PCDHGB5: variants seen among roughly 807,000 people sequenced by gnomAD.
PCDHGB5 encodes protocadherin gamma-B5.
In PCDHGB5, 48 loss-of-function variants were observed where a neutral mutation model predicts 62.9. That is an observed-to-expected ratio of 0.76 (90% CI 0.61 to 0.97). The LOEUF (loss-of-function observed/expected upper bound fraction) is 0.97, where lower values mean the gene tolerates loss of function less well. Ranked by LOEUF, PCDHGB5 falls within the 50% of genes least tolerant of loss-of-function variation. PCDHGB5 has a pLI of 0.00. For synonymous variants in PCDHGB5, 474 were observed against 511.2 expected, an observed-to-expected ratio of 0.93 and a Z score of 0.98; for missense variants, 1,118 against 1,198.6, an observed-to-expected ratio of 0.93 and a Z score of 0.99.
chr5:141,499,122 A>G (rs971741957), intron 2 of PCDHGB5, among the ~76,000 whole-genome samples: 3 of 152,140 alleles, frequency 2.0e-5, no homozygotes, highest in African/African-American at 7.2e-5. Context: ...ATCCCTTCTC[A>G]GGTCATCCTT....
At chr5:141,460,961 A>ATATGTGTG (rs1463306338) in intron 1 of PCDHGB5, among the ~76,000 whole-genome samples, 3 of 144,556 alleles carry the variant, frequency 2.1e-5, no homozygotes, top group African/African-American at 7.8e-5. Context: ...GTATATATAT[A>ATATGTGTG]TGTGTGTGTG....
At chr5:141,455,160 G>T (rs6875366) in intron 1 of PCDHGB5, among the ~76,000 whole-genome samples, 16,301 of 149,190 alleles carry the variant, frequency 0.11, 1,328 homozygotes, top group African/African-American at 0.23. Context: ...TAGTTTGTTG[G>T]TTTTTTTTTT....
chr5:141,419,108 G>C (rs1449189374), intron 1 of PCDHGB5: 2 of 1,613,792 alleles, frequency 1.2e-6, no homozygotes, highest in African/African-American at 1.3e-5. Flanking sequence ...GCAGACCCCA[G>C]AGTACAACGT....
chr5:141,467,912 G>A (rs879405529), intron 1 of PCDHGB5, among the ~76,000 whole-genome samples: 1 of 152,086 alleles, frequency 6.6e-6, no homozygotes, highest in Admixed American at 6.6e-5. Context: ...GCCCACCTCA[G>A]CCTCCCAAAA....
In PCDHGB5 at chr5:141,435,253, G is replaced by A. The variant is rs2097754974; in HGVS notation, c.2397+34729G>A. Among the ~76,000 whole-genome samples the A allele has an allele frequency of 1.3e-5, 2 of 152,064 alleles. 1 individual carries two copies. The highest frequency in any genetic ancestry group is 3.9e-4 in the East Asian group (2 of 5,184). On this transcript the variant is annotated intron_variant, in intron 1 of 3. Transcript: ENST00000617380. ...TTCAGTAATTCTTTCTGGCCATTAG[G>A]GATATGTCCATTTATACTTTCTCAG...
In PCDHGB5 at chr5:141,398,367, G is replaced by C. The variant is rs1480641333; in HGVS notation, c.240G>C (p.Glu80Asp). 7.0e-7 allele frequency: 1 copy of C among 1,430,476 alleles called. No individual in the cohort carries two copies. The highest frequency in any genetic ancestry group is 9.7e-7 in the Non-Finnish European group (1 of 1,031,114). 88.6% of individuals were successfully genotyped at this position (1,430,476 alleles called of 1,614,324 possible). A position where few individuals can be genotyped will look rare whatever the true frequency, so the allele number is the denominator to read the frequency against. The stretch of plus-strand genomic sequence containing the variant: ...AGCCTTACTTCACCGTGAGCGCAGA[G>C]AGCGGGGAGTTGCTTGTGAGCAGCA... ...SEKPYFTVSA[E>D]SGELLVSSRL... The change falls in exon 1 of 4, where the codon GAG becomes GAC. Residue 80 changes from glutamate (E) to aspartate (D), a missense_variant. Around this residue, in one of 2 missense-constraint regions of PCDHGB5, gnomAD observed 84 missense variants for 169.5 expected, o/e 0.50. Coordinates refer to ENST00000617380, the MANE Select transcript of PCDHGB5 (RefSeq NM_018925.3).
chr5:141,472,980 C>CAAAAAAAAAAAAAAAAAAAAAAAAAAAA (rs60579131), intron 1 of PCDHGB5, among the ~76,000 whole-genome samples: 1 of 86,106 alleles, frequency 1.2e-5, no homozygotes, highest in Non-Finnish European at 2.5e-5. Flanking sequence ...GAGTGAAACT[C>CAAAAAAAAAAAAAAAAAAAAAAAAAAAA]AAAAAAAAAA....
chr5:141,403,945 A>G (rs745421734), intron 1 of PCDHGB5: 48 of 1,613,810 alleles, frequency 3.0e-5, no homozygotes, highest in Non-Finnish European at 3.9e-5. Context: ...AAGGGTGGAC[A>G]AAAGTGCTCA....
intron 1 of PCDHGB5, chr5:141,421,236 TCGGCTACAG>T (rs761399164): frequency 3.8e-5 from 60 of 1,594,916 alleles, no homozygotes; most frequent in Non-Finnish European, 5.1e-5. Flanking sequence ...CCATGGCGAA[TCGGCTACAG>T]CGCGGGGACC....
intron 1 of PCDHGB5, chr5:141,422,266 G>A (rs1393466157): frequency 6.4e-7 from 1 of 1,563,654 alleles, no homozygotes; most frequent in Non-Finnish European, 8.6e-7. Context: ...TAACGCTCCA[G>A]AAATAACTAT....
intron 1 of PCDHGB5, chr5:141,402,883 G>A (rs1418475947): frequency 6.7e-7 from 1 of 1,483,116 alleles, no homozygotes; most frequent in South Asian, 1.4e-5. Flanking sequence ...ACTTTGCAGG[G>A]TGGAAGAAAG....
rs73280340 is a variant in PCDHGB5, at chr5:141,473,067, G to A, written c.2398-21740G>A. On this transcript the variant is annotated intron_variant, in intron 1 of 3. Transcript: ENST00000617380. ...GAAAGAAGTGATACAACAAGTTACA[G>A]CATCTTTGTTTATTATCCACTGTGA... Among the ~76,000 whole-genome samples the A allele has an allele frequency of 5.6e-3, 854 of 152,054 alleles. 5 individuals are homozygous for A. The highest frequency in any genetic ancestry group is 0.019 in the African/African-American group (798 of 41,456).
At position 141,511,216 on chromosome 5, in the gene PCDHGB5, C is replaced by G. The variant is rs374915167; in HGVS notation, c.*43C>G. Reference sequence around the variant, plus strand: ...GAGCCACAGGGCGGCCTCTCCCCAACCAGCCCAGCTTCTCCTTACCTGCAC... The same window carrying G: ...GAGCCACAGGGCGGCCTCTCCCCAAGCAGCCCAGCTTCTCCTTACCTGCAC... On this transcript the variant is annotated 3_prime_UTR_variant, in exon 4 of 4. Coordinates refer to ENST00000617380, the MANE Select transcript of PCDHGB5 (RefSeq NM_018925.3). 4.2e-5 allele frequency: 68 copies of G among 1,608,004 alleles called. No individual in the cohort carries two copies. The highest frequency in any genetic ancestry group is 6.7e-5 in the East Asian group (3 of 44,538).
At chr5:141,502,887 G>T (rs2099816882) in intron 2 of PCDHGB5, among the ~76,000 whole-genome samples, 1 of 40,910 alleles carries the variant, frequency 2.4e-5, no homozygotes, top group Non-Finnish European at 4.5e-5. Context: ...TTTTGACAGG[G>T]AGTCTAGCTC....
At chr5:141,470,628 G>T (rs1475199767) in intron 1 of PCDHGB5, among the ~76,000 whole-genome samples, 12 of 152,146 alleles carry the variant, frequency 7.9e-5, no homozygotes, top group Admixed American at 7.9e-4. Flanking sequence ...GCTTAGATAG[G>T]CCCCCTTGCT....
At position 141,400,235 on chromosome 5, in the gene PCDHGB5, T is replaced by TGATTCTGGCCGTTGCC; in HGVS notation, c.2109_2124dup (p.Leu709AspfsTer58). The TGATTCTGGCCGTTGCC allele has an allele frequency of 6.2e-7, 1 of 1,614,006 alleles. No individual in the cohort carries two copies. Among genetic ancestry groups the TGATTCTGGCCGTTGCC allele is most frequent in the East Asian group, 2.2e-5 (1 of 44,868 alleles). ...ATCTCAGTGCTCTTCCTCCTGGCCG[T>TGATTCTGGCCGTTGCC]GATTCTGGCCGTTGCCTTGCGCCTG... is the stretch of plus-strand genomic sequence containing the variant. On this transcript the variant is annotated frameshift_variant, in exon 1 of 4. Transcript: ENST00000617380. LOFTEE classifies it high-confidence loss of function.
intron 1 of PCDHGB5, among the ~76,000 whole-genome samples, chr5:141,454,261 A>T (rs183133499): frequency 1.3e-5 from 2 of 152,364 alleles, no homozygotes; most frequent in South Asian, 2.1e-4. Flanking sequence ...CAGAGAAAGT[A>T]ATGCCAGCAA....
At chr5:141,497,464 TGGA>T (rs769464389) in intron 2 of PCDHGB5, among the ~76,000 whole-genome samples, 3 of 151,764 alleles carry the variant, frequency 2.0e-5, no homozygotes, top group Non-Finnish European at 4.4e-5. Context: ...CTTGGAGATA[TGGA>T]GGAGAAGGTG....
In PCDHGB5 at chr5:141,471,825, A is replaced by G. The variant is rs150400990; in HGVS notation, c.2398-22982A>G. Among the ~76,000 whole-genome samples, 61 of 152,344 alleles carry G rather than the reference A, an allele frequency of 4.0e-4. No individual in the cohort carries two copies. In the East Asian group the frequency reaches 0.011, roughly 27 times the overall value. ...ACATATAAAAGACTACCTATTTTAT[A>G]ATTCCTTTTTAATAAAATATTCAGA... On this transcript the variant is annotated intron_variant, in intron 1 of 3. Coordinates refer to ENST00000617380, the MANE Select transcript of PCDHGB5 (RefSeq NM_018925.3).
Sources: gnomAD v4.1 joint callset for allele counts (sites outside exome capture counted in the v4.1 genomes callset) on GRCh38, gnomAD v4.1.1 for gene constraint, gnomAD v4.1.1 regional missense constraint, MANE v1.5 for transcripts, NCBI Gene and HGNC (gene_info 2026-07-23, HGNC 2026-07-21) for gene names.